The following PKN2 variants were observed in gnomAD, a reference collection of about 807,000 sequenced individuals.
The protein encoded by PKN2 is serine/threonine-protein kinase N2.
PKN2 carries 38 observed loss-of-function variants against 119.1 expected under a neutral mutation model. That is an observed-to-expected ratio of 0.32 (90% CI 0.25 to 0.42). The LOEUF (loss-of-function observed/expected upper bound fraction) is 0.42. Ranked by LOEUF, PKN2 falls within the 10% of genes least tolerant of loss-of-function variation. The probability of loss-of-function intolerance (pLI) is 1.00; values close to 1 mark genes in which losing one functional copy is unlikely to be tolerated. For missense variants in PKN2, 850 were observed against 1,165.1 expected (o/e 0.73, Z 3.94); for synonymous variants, 390 against 384.9 (o/e 1.01, Z -0.15).
At chr1:88,806,969 C>T (rs1039837782) in intron 12 of PKN2, among the ~76,000 whole-genome samples, 34 of 152,142 alleles carry the variant, frequency 2.2e-4, no homozygotes, top group Middle Eastern at 3.4e-3. Context: ...CCGCCCGCCT[C>T]GGCCTACCAA....
At chr1:88,801,923 A>T (rs756088184) in intron 8 of PKN2, among the ~76,000 whole-genome samples, 9 of 152,242 alleles carry the variant, frequency 5.9e-5, no homozygotes, top group Non-Finnish European at 1.3e-4. Flanking sequence ...CTGATTTGCT[A>T]ATAACCTAAA....
chr1:88,800,556 G>A (rs1284605336), intron 8 of PKN2, among the ~76,000 whole-genome samples: 1 of 152,154 alleles, frequency 6.6e-6, no homozygotes, highest in Non-Finnish European at 1.5e-5. Context: ...TTGAAACTAT[G>A]AACTACCTTT....
Position 88,807,718 on chromosome 1 carries a change from T to C in PKN2, c.2045T>C (p.Met682Thr), listed in dbSNP as rs1253381552. 5 of 1,603,444 alleles carry C rather than the reference T, an allele frequency of 3.1e-6. No individual in the cohort carries two copies. In the African/African-American group the frequency reaches 4.0e-5, roughly 13 times the overall value. Reference protein sequence around the residue: ...LLAEYKNTNEMFAIKALKKGD... With the variant: ...LLAEYKNTNETFAIKALKKGD... ...GCTGAATATAAAAACACAAATGAGA[T>C]GTTTGCTATAAAAGCCTTAAAGAAA... Residue 682 changes from methionine (M) to threonine (T), a missense_variant, in exon 15 of 22, where the codon ATG (methionine) becomes ACG (threonine). This residue lies in a region of PKN2 where 216 missense variants were observed against 252.8 expected (regional missense o/e 0.85). Coordinates refer to ENST00000370521, the MANE Select transcript of PKN2 (RefSeq NM_006256.4).
chr1:88,816,318 C>T (rs1671991135), intron 16 of PKN2, among the ~76,000 whole-genome samples: 1 of 152,076 alleles, frequency 6.6e-6, no homozygotes, highest in Non-Finnish European at 1.5e-5. Flanking sequence ...ACCGTCTTGG[C>T]TCACTACAAC....
intron 6 of PKN2, among the ~76,000 whole-genome samples, chr1:88,779,951 T>A (rs1483808767): frequency 1.3e-5 from 2 of 152,236 alleles, no homozygotes; most frequent in Non-Finnish European, 2.9e-5. Flanking sequence ...CAGCATTATC[T>A]GTACTTCATG....
chr1:88,801,083 T>G (rs1344924811), intron 8 of PKN2, among the ~76,000 whole-genome samples: 1 of 152,138 alleles, frequency 6.6e-6, no homozygotes, highest in African/African-American at 2.4e-5. Flanking sequence ...CACACTTGCA[T>G]TTTAAATTCT....
At chr1:88,709,283 G>A (rs940570803) in intron 1 of PKN2, among the ~76,000 whole-genome samples, 1 of 152,036 alleles carries the variant, frequency 6.6e-6, no homozygotes, top group African/African-American at 2.4e-5. Flanking sequence ...TCAAATTCCT[G>A]ACCTCTAGTA....
At chr1:88,766,107 C>T (rs1669658972) in intron 3 of PKN2, among the ~76,000 whole-genome samples, 1 of 152,254 alleles carries the variant, frequency 6.6e-6, no homozygotes, top group Non-Finnish European at 1.5e-5. Context: ...GCCACCATCC[C>T]TGGCCTGATT....
At chr1:88,717,333 T>A (rs1024665738) in intron 1 of PKN2, among the ~76,000 whole-genome samples, 3 of 152,142 alleles carry the variant, frequency 2.0e-5, no homozygotes, top group African/African-American at 7.2e-5. Flanking sequence ...TGAATTTGAG[T>A]GTTGGCCTGC....
Position 88,747,865 on chromosome 1 carries a change from C to T in PKN2, c.349+6577C>T, listed in dbSNP as rs577419776. On this transcript the variant is annotated intron_variant, in intron 2 of 21. Coordinates refer to ENST00000370521, the MANE Select transcript of PKN2 (RefSeq NM_006256.4). ...AATCTTAGCAAATTCTTCTAAATTCCTAAAATATATCTGTATTGAGGGAAC... is the reference window on the plus strand; with the variant it reads ...AATCTTAGCAAATTCTTCTAAATTCTTAAAATATATCTGTATTGAGGGAAC... Among the ~76,000 whole-genome samples, 648 of 151,972 alleles carry T rather than the reference C, an allele frequency of 4.3e-3. 1 individual carries two copies. Among genetic ancestry groups the T allele is most frequent in the African/African-American group, 0.015 (610 of 41,480 alleles).
Position 88,699,683 on chromosome 1 carries a change from T to C in PKN2, c.48+15055T>C, listed in dbSNP as rs117275915. Among the ~76,000 whole-genome samples the C allele has an allele frequency of 4.4e-3, 669 of 152,296 alleles. 12 individuals carry two copies. The East Asian group carries it at 0.048, about 11-fold the overall frequency. ...GAAGTGAGAACACAATGGTATTTGG[T>C]TTTTTGTTCTTGCTTTAGTTTGCTG... On this transcript the variant is annotated intron_variant, in intron 1 of 21. Transcript: ENST00000370521.
chr1:88,818,932 G>T (rs1369313217), intron 16 of PKN2, among the ~76,000 whole-genome samples: 1 of 151,794 alleles, frequency 6.6e-6, no homozygotes, highest in Non-Finnish European at 1.5e-5. Context: ...AATGGGGAAA[G>T]AATTCCCTAT....
chr1:88,728,535 A>G lies in PKN2; in HGVS notation c.49-12453A>G, dbSNP rs564075208. On this transcript the variant is annotated intron_variant, in intron 1 of 21. Coordinates refer to ENST00000370521, the MANE Select transcript of PKN2 (RefSeq NM_006256.4). ...GGGTTATTTTGTTTTTGTTTTTTTA[A>G]TGGACTTTATTCTTGAACAGGTTTA... Among the ~76,000 whole-genome samples, 7 of 151,964 alleles carry G rather than the reference A, an allele frequency of 4.6e-5. No individual in the cohort carries two copies. In the South Asian group the frequency reaches 6.2e-4, roughly 14 times the overall value.
intron 8 of PKN2, among the ~76,000 whole-genome samples, chr1:88,802,522 A>G (rs1671361942): frequency 6.6e-6 from 1 of 152,058 alleles, no homozygotes; most frequent in South Asian, 2.1e-4. Context: ...ATGGGGTTTC[A>G]CCATGTTGGC....
At chr1:88,806,668 C>A (rs933046752) in intron 12 of PKN2, among the ~76,000 whole-genome samples, 2 of 152,136 alleles carry the variant, frequency 1.3e-5, no homozygotes, top group Non-Finnish European at 2.9e-5. Context: ...AAATACTATT[C>A]TTCTTCTAAC....
At chr1:88,821,567 C>A (rs1052140115) in intron 16 of PKN2, among the ~76,000 whole-genome samples, 1 of 152,156 alleles carries the variant, frequency 6.6e-6, no homozygotes, top group Non-Finnish European at 1.5e-5. Flanking sequence ...AAACATGTTA[C>A]GCCTTTTGCA....
chr1:88,803,457 T>C (rs1671413505), intron 8 of PKN2, among the ~76,000 whole-genome samples: 1 of 152,198 alleles, frequency 6.6e-6, no homozygotes, highest in Non-Finnish European at 1.5e-5. Flanking sequence ...TATCTCTTTT[T>C]GTGGATGGTG....
At chr1:88,797,784 A>G (rs1321752983) in intron 8 of PKN2, among the ~76,000 whole-genome samples, 1 of 151,968 alleles carries the variant, frequency 6.6e-6, no homozygotes. Context: ...GCTTTTTCTT[A>G]CCTCTCTGAT....
chr1:88,727,695 T>A (rs1667955301), intron 1 of PKN2, among the ~76,000 whole-genome samples: 1 of 152,270 alleles, frequency 6.6e-6, no homozygotes, highest in Non-Finnish European at 1.5e-5. Context: ...CACTCTTTTT[T>A]TGTTTTGTAG....
Sources: gnomAD v4.1 joint callset for allele counts (sites outside exome capture counted in the v4.1 genomes callset) on GRCh38, gnomAD v4.1.1 for gene constraint, gnomAD v4.1.1 regional missense constraint, MANE v1.5 for transcripts, NCBI Gene and HGNC (gene_info 2026-07-23, HGNC 2026-07-21) for gene names.